The following ZNF440 variants were observed in gnomAD, a reference collection of about 807,000 sequenced individuals.
ZNF440 encodes the protein zinc finger protein 440.
Under a neutral mutation model 49.7 loss-of-function variants are expected in ZNF440, and 47 were observed. That is an observed-to-expected ratio of 0.95 (90% CI 0.75 to 1.21). ZNF440 has a LOEUF of 1.21. Ranked by LOEUF, ZNF440 falls within the 50% of genes most tolerant of loss-of-function variation. ZNF440 has a pLI of 0.00. For synonymous variants in ZNF440, 255 were observed against 237.7 expected (o/e 1.07, Z -0.67); for missense variants, 703 against 715.0 (o/e 0.98, Z 0.19).
intron 1 of ZNF440, among the ~76,000 whole-genome samples, chr19:11,829,657 G>T (rs758240687): frequency 6.6e-6 from 1 of 152,092 alleles, no homozygotes; most frequent in Non-Finnish European, 1.5e-5. Context: ...CCCTTGTTCA[G>T]TTCTAGCATC....
At chr19:11,830,439 C>T (rs2145130227) in intron 2 of ZNF440, 30 bp downstream of exon 2, 1 of 1,612,620 alleles carries the variant, frequency 6.2e-7, no homozygotes, top group East Asian at 2.2e-5. Flanking sequence ...TTCCCTCAGT[C>T]CATTAGTGAA....
In ZNF440 at chr19:11,832,036, A is replaced by G; in HGVS notation, c.860A>G (p.Lys287Arg). ...ATGGGAGAAAAGGCTTATCAATGTAAGGAATGTGGAAAAGCATTCACGTGT... is the reference window on the plus strand; with the variant it reads ...ATGGGAGAAAAGGCTTATCAATGTAGGGAATGTGGAAAAGCATTCACGTGT... ...IHMGEKAYQC[K>R]ECGKAFTCPR... Residue 287 changes from lysine to arginine, a missense_variant, in exon 4 of 4, where the codon AAG (lysine) becomes AGG (arginine). Transcript: ENST00000304060. 6.2e-7 allele frequency: 1 copy of G among 1,614,150 alleles called. No homozygotes were observed. The highest frequency in any genetic ancestry group is 8.5e-7 in the Non-Finnish European group (1 of 1,180,012).
chr19:11,827,763 T>C (rs1975884667), intron 1 of ZNF440: 2 of 152,164 alleles, frequency 1.3e-5, no homozygotes, highest in African/African-American at 4.8e-5. Context: ...TACCATTTGT[T>C]TTGTGCCACC....
In ZNF440 at chr19:11,814,420, G is replaced by A; in HGVS notation, c.-28G>A. 2 of 1,561,220 alleles carry A rather than the reference G, an allele frequency of 1.3e-6. No individual in the cohort carries two copies. Among genetic ancestry groups the A allele is most frequent in the Admixed American group, 1.9e-5 (1 of 53,536 alleles). ...CACTAGTCGCGGGAGCCACGCAGAG[G>A]ACGCCGGAACACCCTGGAAGCCGAG... On this transcript the variant is annotated 5_prime_UTR_variant, in exon 1 of 4. Coordinates refer to ENST00000304060, the MANE Select transcript of ZNF440 (RefSeq NM_152357.3).
rs995622197 is a variant in ZNF440, at chr19:11,819,579, A to C, written c.3+5129A>C. 2.0e-5 allele frequency among the ~76,000 whole-genome samples: 3 copies of C among 152,060 alleles called. No homozygotes were observed. In the South Asian group the frequency reaches 6.2e-4, roughly 31 times the overall value. On this transcript the variant is annotated intron_variant, in intron 1 of 3. Transcript: ENST00000304060. ...ACACTTGGCTAATTTTTATATTATT[A>C]GTAAAGGTGGGGGTTTCACCATGTT...
intron 1 of ZNF440, among the ~76,000 whole-genome samples, chr19:11,827,304 C>A (rs1975879426): frequency 6.6e-6 from 1 of 152,100 alleles, no homozygotes; most frequent in Non-Finnish European, 1.5e-5. Flanking sequence ...CCTCGGTGAT[C>A]CACCCGTCTC....
chr19:11,828,020 G>T (rs1599294708), intron 1 of ZNF440, among the ~76,000 whole-genome samples: 1 of 152,244 alleles, frequency 6.6e-6, no homozygotes, highest in East Asian at 1.9e-4. Flanking sequence ...TATGCTGGAG[G>T]TTGCACTTTT....
chr19:11,818,604 C>T (rs534307106), intron 1 of ZNF440, among the ~76,000 whole-genome samples: 1 of 152,172 alleles, frequency 6.6e-6, no homozygotes, highest in African/African-American at 2.4e-5. Flanking sequence ...CAGGCTGGAG[C>T]AGTGGTGCGA....
chr19:11,818,715 T>G (rs1359964857), intron 1 of ZNF440, among the ~76,000 whole-genome samples: 1 of 152,062 alleles, frequency 6.6e-6, no homozygotes, highest in Non-Finnish European at 1.5e-5. Flanking sequence ...TAATTTTTTA[T>G]TTTTTACAGA....
Position 11,834,069 on chromosome 19 carries a change from G to A in ZNF440, c.*1105G>A, listed in dbSNP as rs555787085. 38 of 275,478 alleles carry A rather than the reference G, an allele frequency of 1.4e-4. No individual in the cohort carries two copies. In the East Asian group the frequency reaches 2.1e-3, roughly 15 times the overall value. The allele number at this position is 275,478 out of a possible 1,614,324, so 17.1% of individuals were successfully genotyped here. A position where few individuals can be genotyped will look rare whatever the true frequency, so the allele number is the denominator to read the frequency against. The stretch of plus-strand genomic sequence containing the variant: ...TAAAATGCCAGACATCTTTTTATTC[G>A]AAAATTTTACTTTTCATGCTTCTGT... On this transcript the variant is annotated 3_prime_UTR_variant, in exon 4 of 4. Coordinates refer to ENST00000304060, the MANE Select transcript of ZNF440 (RefSeq NM_152357.3).
rs776157031 is a variant in ZNF440, at chr19:11,832,633, A to G, written c.1457A>G (p.Tyr486Cys). 18 of 1,613,740 alleles carry G rather than the reference A, an allele frequency of 1.1e-5. No individual in the cohort carries two copies. Among genetic ancestry groups the G allele is most frequent in the Non-Finnish European group, 1.3e-5 (15 of 1,179,916 alleles). ...AAAACTCACACTGGAGAGAAACTCT[A>G]TGAATGCAAGCAACGTTCAGTAGTT... is the stretch of plus-strand genomic sequence containing the variant. ...HEKTHTGEKL[Y>C]ECKQRSVVPS... The change falls in exon 4 of 4, where the codon TAT becomes TGT. Residue 486 changes from tyrosine (Y) to cysteine (C), a missense_variant. Transcript: ENST00000304060.
chr19:11,826,954 C>T (rs384590), intron 1 of ZNF440, among the ~76,000 whole-genome samples: 3,853 of 152,092 alleles, frequency 0.025, 103 homozygotes, highest in Middle Eastern at 0.068. Context: ...TGAGCCACTG[C>T]GCCCGGGCTG....
intron 1 of ZNF440, among the ~76,000 whole-genome samples, chr19:11,824,972 G>T (rs1975845165): frequency 6.6e-6 from 1 of 151,966 alleles, no homozygotes; most frequent in Non-Finnish European, 1.5e-5. Context: ...CTCCCAAAGT[G>T]CTGGGATTAC....
Position 11,833,731 on chromosome 19 carries a change from A to G in ZNF440, c.*767A>G. 1 of 787,264 alleles carries G rather than the reference A, an allele frequency of 1.3e-6. No homozygotes were observed. Among genetic ancestry groups the G allele is most frequent in the Non-Finnish European group, 1.9e-6 (1 of 524,168 alleles). The allele number at this position is 787,264 out of a possible 1,614,324, so 48.8% of individuals were successfully genotyped here. ...TATCATGAAAGGACTCACACTGGAG[A>G]GAAGCCCTATGAATATAAGCAATGT... On this transcript the variant is annotated 3_prime_UTR_variant, in exon 4 of 4. Transcript: ENST00000304060.
intron 1 of ZNF440, among the ~76,000 whole-genome samples, chr19:11,822,228 T>C (rs1975808539): frequency 2.0e-5 from 3 of 152,170 alleles, no homozygotes; most frequent in African/African-American, 7.2e-5. Flanking sequence ...AATGCAGTTG[T>C]GTAATAAATA....
In ZNF440 at chr19:11,821,939, C is replaced by G. The variant is rs1014569723; in HGVS notation, c.3+7489C>G. On this transcript the variant is annotated intron_variant, in intron 1 of 3. Transcript: ENST00000304060. The stretch of plus-strand genomic sequence containing the variant: ...AGGGCAGCACAGCTGCAGAGCAACA[C>G]AGAGTGGGGGGAACATCCAGGATGC... 2.0e-5 allele frequency among the ~76,000 whole-genome samples: 3 copies of G among 152,366 alleles called. 1 individual carries two copies. In the Middle Eastern group the frequency reaches 0.01, roughly 518 times the overall value.
chr19:11,822,352 A>T (rs1257153823), intron 1 of ZNF440, among the ~76,000 whole-genome samples: 1 of 152,246 alleles, frequency 6.6e-6, no homozygotes, highest in African/African-American at 2.4e-5. Context: ...AAGAAAATGC[A>T]TGCTAAGGTA....
At chr19:11,818,846 C>T (rs962379709) in intron 1 of ZNF440, among the ~76,000 whole-genome samples, 2 of 152,162 alleles carry the variant, frequency 1.3e-5, no homozygotes, top group Admixed American at 1.3e-4. Flanking sequence ...GGCTAACAAC[C>T]TAATTCATTA....
chr19:11,817,820 G>A (rs1053471175), intron 1 of ZNF440: 1 of 152,192 alleles, frequency 6.6e-6, no homozygotes, highest in Non-Finnish European at 1.5e-5. Context: ...GTGCCTACGT[G>A]CATGTGGGCT....
Sources: gnomAD v4.1 joint callset for allele counts (sites outside exome capture counted in the v4.1 genomes callset) on GRCh38, gnomAD v4.1.1 for gene constraint, MANE v1.5 for transcripts, NCBI Gene and HGNC (gene_info 2026-07-23, HGNC 2026-07-21) for gene names.